The following CRK variants were observed in gnomAD, a reference collection of about 807,000 sequenced individuals.
The protein encoded by CRK is CRK proto-oncogene, adaptor protein, also known as adapter molecule crk.
A neutral mutation model predicts 29.8 loss-of-function variants in CRK; 4 were observed. The observed-to-expected ratio is 0.13, with a 90% confidence interval of 0.07 to 0.31. The LOEUF is 0.31. CRK is among the 10% of genes least tolerant of loss of function. CRK has a pLI of 1.00. For missense variants in CRK, 274 were observed against 396.5 expected, an observed-to-expected ratio of 0.69 and a Z score of 2.62; for synonymous variants, 153 against 164.9, an observed-to-expected ratio of 0.93 and a Z score of 0.55.
At chr17:1,450,910 A>G (rs2074012301) in intron 1 of CRK, among the ~76,000 whole-genome samples, 1 of 151,708 alleles carries the variant, frequency 6.6e-6, no homozygotes, top group Non-Finnish European at 1.5e-5. Context: ...CAAAACAAAT[A>G]GGCCGGGCGC....
chr17:1,445,726 T>G (rs2073969969), intron 1 of CRK, among the ~76,000 whole-genome samples: 1 of 152,164 alleles, frequency 6.6e-6, no homozygotes. Context: ...CATAGGGACC[T>G]ACTTAGCACT....
chr17:1,436,486 G>C, intron 2 of CRK, 134 bp downstream of exon 2: 1 of 917,094 alleles, frequency 1.1e-6, no homozygotes, highest in Non-Finnish European at 1.6e-6. Context: ...AACATTCAAT[G>C]CCAACATCAG....
chr17:1,443,951 C>G (rs566021450), intron 1 of CRK, among the ~76,000 whole-genome samples: 1 of 151,696 alleles, frequency 6.6e-6, no homozygotes, highest in Non-Finnish European at 1.5e-5. Context: ...CCGCCCGCCT[C>G]GGCCTCCCAA....
intron 2 of CRK, among the ~76,000 whole-genome samples, chr17:1,424,210 G>A (rs971311207): frequency 6.6e-6 from 1 of 151,944 alleles, no homozygotes; most frequent in Non-Finnish European, 1.5e-5. Flanking sequence ...GGGACTACAG[G>A]CGCCTGCCAC....
chr17:1,431,067 A>AAAACAAACAAACAAACAAAC (rs11273899), intron 2 of CRK, among the ~76,000 whole-genome samples: 8 of 150,570 alleles, frequency 5.3e-5, no homozygotes, highest in Admixed American at 1.3e-4. Flanking sequence ...ACTCCGTCTC[A>AAAACAAACAAACAAACAAAC]AAACAAACAA....
chr17:1,442,598 G>C (rs564372395), intron 1 of CRK, among the ~76,000 whole-genome samples: 1 of 143,676 alleles, frequency 7.0e-6, no homozygotes, highest in African/African-American at 2.5e-5. Flanking sequence ...TCTTGTGTGT[G>C]AAAGGGTCTT....
chr17:1,423,422 T>C lies in CRK; in HGVS notation c.*91A>G. The C allele has an allele frequency of 5.4e-6, 8 of 1,489,812 alleles. No homozygotes were observed. The highest frequency in any genetic ancestry group is 2.6e-5 in the South Asian group (2 of 76,206). 92.3% of individuals were successfully genotyped at this position (1,489,812 alleles called of 1,614,324 possible). A position where few individuals can be genotyped will look rare whatever the true frequency, so the allele number is the denominator to read the frequency against. ...AGAATGCTTATATAAACTAGACTGC[T>C]TTTGACATCTGTAAGAAAATTGTAT... On this transcript the variant is annotated 3_prime_UTR_variant, in exon 3 of 3. Coordinates refer to ENST00000300574, the MANE Select transcript of CRK (RefSeq NM_016823.4).
intron 1 of CRK, among the ~76,000 whole-genome samples, chr17:1,455,108 G>A (rs1337123002): frequency 6.6e-6 from 1 of 152,124 alleles, no homozygotes; most frequent in African/African-American, 2.4e-5. Flanking sequence ...GGTTTATTTT[G>A]TGGAATAAAA....
chr17:1,425,448 G>A (rs1216866489), intron 2 of CRK, among the ~76,000 whole-genome samples: 3 of 152,120 alleles, frequency 2.0e-5, no homozygotes, highest in Non-Finnish European at 2.9e-5. Context: ...AGGCTGGAGA[G>A]CACTGACACC....
At chr17:1,438,483 T>TAA (rs2073907353) in intron 1 of CRK, among the ~76,000 whole-genome samples, 1 of 151,882 alleles carries the variant, frequency 6.6e-6, no homozygotes, top group East Asian at 1.9e-4. Flanking sequence ...CTTTGACAGC[T>TAA]AAAAGGTAAA....
At chr17:1,431,504 G>A (rs930896791) in intron 2 of CRK, among the ~76,000 whole-genome samples, 3 of 151,866 alleles carry the variant, frequency 2.0e-5, no homozygotes, top group African/African-American at 7.3e-5. Flanking sequence ...AGTGGGTCAC[G>A]AGGTCAGGAG....
intron 2 of CRK, among the ~76,000 whole-genome samples, chr17:1,427,579 C>A (rs981329747): frequency 2.0e-5 from 3 of 151,514 alleles, no homozygotes; most frequent in Admixed American, 2.0e-4. Flanking sequence ...GGTAACAGAG[C>A]GAGACTCAGT....
intron 1 of CRK, among the ~76,000 whole-genome samples, chr17:1,449,843 T>G (rs2074003946): frequency 6.6e-6 from 1 of 152,046 alleles, no homozygotes; most frequent in Non-Finnish European, 1.5e-5. Context: ...CCAAGACAAG[T>G]TAAAAACAGG....
At chr17:1,444,804 G>C (rs2073961948) in intron 1 of CRK, among the ~76,000 whole-genome samples, 1 of 145,458 alleles carries the variant, frequency 6.9e-6, no homozygotes, top group Non-Finnish European at 1.5e-5. Context: ...TTGCACTCCA[G>C]CCTGGGCAAC....
intron 1 of CRK, among the ~76,000 whole-genome samples, chr17:1,446,784 G>A (rs531937877): frequency 1.3e-5 from 2 of 151,636 alleles, no homozygotes; most frequent in East Asian, 3.9e-4. Flanking sequence ...TAGTAGAGAC[G>A]GGGTTTCACC....
chr17:1,428,083 A>AC (rs1333685615), intron 2 of CRK, among the ~76,000 whole-genome samples: 2 of 150,522 alleles, frequency 1.3e-5, no homozygotes, highest in Non-Finnish European at 3.0e-5. Context: ...GTGGGGCAAA[A>AC]CCTGCTAATG....
chr17:1,436,217 C>G (rs562105621), intron 2 of CRK, among the ~76,000 whole-genome samples: 2 of 152,186 alleles, frequency 1.3e-5, no homozygotes, highest in African/African-American at 4.8e-5. Flanking sequence ...CGGGAAAATT[C>G]CATTTAAGTG....
At chr17:1,428,417 T>C (rs1156448460) in intron 2 of CRK, among the ~76,000 whole-genome samples, 1 of 150,582 alleles carries the variant, frequency 6.6e-6, no homozygotes, top group Non-Finnish European at 1.5e-5. Context: ...GTGCCAGCCC[T>C]TCTTTCAGAC....
intron 2 of CRK, 89 bp from the exon 3 acceptor site, chr17:1,423,739 A>G (rs1476650272): frequency 6.6e-7 from 1 of 1,524,168 alleles, no homozygotes; most frequent in Non-Finnish European, 9.0e-7. Flanking sequence ...CACCCTGCCC[A>G]TGTGACTGCT....
Sources: gnomAD v4.1 joint callset for allele counts (sites outside exome capture counted in the v4.1 genomes callset) on GRCh38, gnomAD v4.1.1 for gene constraint, MANE v1.5 for transcripts, NCBI Gene and HGNC (gene_info 2026-07-23, HGNC 2026-07-21) for gene names.